VWA3B: variants seen among roughly 807,000 people sequenced by gnomAD.
VWA3B encodes the protein von Willebrand factor A domain containing 3B.
A neutral mutation model predicts 158.3 loss-of-function variants in VWA3B; 138 were observed. That is an observed-to-expected ratio of 0.87 (90% CI 0.76 to 1.00). VWA3B has a LOEUF of 1.00. Among genes scored for constraint, VWA3B ranks in the 50% least tolerant of loss-of-function variants. VWA3B has a pLI of 0.00. For synonymous variants in VWA3B, 596 were observed against 587.3 expected (o/e 1.01, Z -0.21); for missense variants, 1,555 against 1,565.1 (o/e 0.99, Z 0.11).
intron 20 of VWA3B, among the ~76,000 whole-genome samples, chr2:98,255,158 C>T (rs555546562): frequency 3.8e-4 from 57 of 148,592 alleles, no homozygotes; most frequent in Middle Eastern, 3.4e-3. Context: ...GGAGTACAGT[C>T]GCCCGCCACC....
At position 98,102,726 on chromosome 2, in the gene VWA3B, A is replaced by T. The variant is rs541952443; in HGVS notation, c.196+9438A>T. On this transcript the variant is annotated intron_variant, in intron 2 of 27. Transcript: ENST00000477737. ...ATTGTCAGGTTTCAGCATCAAGATT[A>T]TGCTGGACTCAAAATGATTTGGAAG... 5.0e-3 allele frequency among the ~76,000 whole-genome samples: 763 copies of T among 152,294 alleles called. 3 individuals carry two copies. Among genetic ancestry groups the T allele is most frequent in the South Asian group, 0.011 (54 of 4,820 alleles).
the VWA3B span, among the ~76,000 whole-genome samples, chr2:98,329,506 CT>C: frequency 2.7e-4 from 40 of 150,138 alleles, 2 homozygotes; most frequent in African/African-American, 9.0e-4. Context: ...GCAAACAACC[CT>C]TTTTTTTTAA....
intron 5 of VWA3B, among the ~76,000 whole-genome samples, chr2:98,127,866 G>A (rs114177828): frequency 0.021 from 3,142 of 152,262 alleles, 44 homozygotes; most frequent in Middle Eastern, 0.048. Flanking sequence ...GCACTGCCGC[G>A]GGCAATGGCA....
intron 12 of VWA3B, chr2:98,206,224 C>G (rs1683009017): frequency 6.5e-6 from 1 of 154,116 alleles, no homozygotes; most frequent in Non-Finnish European, 1.4e-5. Context: ...GTCAGTGTTG[C>G]TACTCCAAGC....
chr2:98,269,586 G>C (rs1454145129), intron 21 of VWA3B: 1 of 152,162 alleles, frequency 6.6e-6, no homozygotes, highest in African/African-American at 2.4e-5. Context: ...GCCAGGATTG[G>C]GGAGCTTTCT....
At position 98,193,664 on chromosome 2, in the gene VWA3B, C is replaced by T. The variant is rs139528407; in HGVS notation, c.1605+628C>T. On this transcript the variant is annotated intron_variant, in intron 11 of 27. Transcript: ENST00000477737. Reference sequence around the variant, plus strand: ...AGTCTGGAGTGCAGTGGTGCCAACCCGGCTCACTGCAAGCTCCGCCTCCCG... The same window carrying T: ...AGTCTGGAGTGCAGTGGTGCCAACCTGGCTCACTGCAAGCTCCGCCTCCCG... 2.8e-3 allele frequency among the ~76,000 whole-genome samples: 423 copies of T among 151,780 alleles called. 2 individuals carry two copies. Among genetic ancestry groups the T allele is most frequent in the African/African-American group, 9.3e-3 (386 of 41,370 alleles).
chr2:98,206,926 G>A, intron 12 of VWA3B: 3 of 452,018 alleles, frequency 6.6e-6, no homozygotes, highest in South Asian at 4.9e-5. Context: ...CTTAAAAAAT[G>A]TTACCTCCAA....
intron 23 of VWA3B, chr2:98,292,081 TAAA>T (rs772141517): frequency 0.06 from 5,134 of 86,020 alleles, 129 homozygotes; most frequent in Middle Eastern, 0.13. Context: ...TCATCTCTAC[TAAA>T]AAAAAAAAAA....
At chr2:98,239,475 T>C (rs1240811212) in intron 19 of VWA3B, among the ~76,000 whole-genome samples, 1 of 152,158 alleles carries the variant, frequency 6.6e-6, no homozygotes, top group Non-Finnish European at 1.5e-5. Flanking sequence ...CCTCCCTTTT[T>C]TCTTTTACCA....
chr2:98,093,763 G>C (rs913171927), intron 2 of VWA3B, among the ~76,000 whole-genome samples: 5 of 151,958 alleles, frequency 3.3e-5, no homozygotes, highest in African/African-American at 1.2e-4. Context: ...AATTGTAGTG[G>C]TATATCCTTT....
intron 1 of VWA3B, among the ~76,000 whole-genome samples, chr2:98,088,704 A>T (rs572215823): frequency 6.6e-6 from 1 of 152,164 alleles, no homozygotes; most frequent in Non-Finnish European, 1.5e-5. Context: ...AACTCTGAAT[A>T]ATAGTAAATA....
the VWA3B span, among the ~76,000 whole-genome samples, chr2:98,318,642 G>A: frequency 6.6e-6 from 1 of 152,108 alleles, no homozygotes; most frequent in African/African-American, 2.4e-5. Flanking sequence ...TAATACCTGG[G>A]TGATGAAATA....
intron 7 of VWA3B, among the ~76,000 whole-genome samples, chr2:98,151,673 A>C (rs1394654096): frequency 3.3e-5 from 5 of 152,320 alleles, no homozygotes; most frequent in African/African-American, 1.2e-4. Flanking sequence ...CCTGGATTCA[A>C]ATCTGAGTTT....
At chr2:98,137,377 G>C (rs1043232722) in intron 7 of VWA3B, among the ~76,000 whole-genome samples, 2 of 151,992 alleles carry the variant, frequency 1.3e-5, no homozygotes, top group East Asian at 3.8e-4. Flanking sequence ...TTTTTATTTG[G>C]ATTTCCCTAA....
At chr2:98,290,165 C>A (rs1689400956) in intron 22 of VWA3B, among the ~76,000 whole-genome samples, 1 of 152,064 alleles carries the variant, frequency 6.6e-6, no homozygotes, top group African/African-American at 2.4e-5. Context: ...ATTGGGGAGG[C>A]CACAGGAAAC....
intron 26 of VWA3B, among the ~76,000 whole-genome samples, chr2:98,304,602 A>G (rs764629034): frequency 1.4e-4 from 21 of 152,130 alleles, no homozygotes; most frequent in Non-Finnish European, 2.5e-4. Flanking sequence ...TTCTGGGCTT[A>G]TGGAAGTCTC....
Position 98,127,253 on chromosome 2 carries a change from G to A in VWA3B, c.703-986G>A, listed in dbSNP as rs551633006. 3.9e-5 allele frequency among the ~76,000 whole-genome samples: 6 copies of A among 152,224 alleles called. No individual in the cohort carries two copies. In the South Asian group the frequency reaches 6.2e-4, roughly 16 times the overall value. ...GGTTTTTTACTTTCTGAGATGTATA[G>A]AAATGCACACATAGTTGGAAGTCAT... On this transcript the variant is annotated intron_variant, in intron 5 of 27. Coordinates refer to ENST00000477737, the MANE Select transcript of VWA3B (RefSeq NM_144992.5).
intron 21 of VWA3B, among the ~76,000 whole-genome samples, chr2:98,260,660 T>G: frequency 6.6e-6 from 1 of 151,744 alleles, no homozygotes; most frequent in Non-Finnish European, 1.5e-5. Context: ...TAACTATACA[T>G]AACTGTCTAT....
chr2:98,140,577 G>A (rs1445190485), intron 7 of VWA3B, among the ~76,000 whole-genome samples: 1 of 152,170 alleles, frequency 6.6e-6, no homozygotes, highest in Non-Finnish European at 1.5e-5. Context: ...TTCTCTGTGT[G>A]AAGGTATTCC....
Sources: allele counts gnomAD v4.1 joint callset (sites outside exome capture counted in the v4.1 genomes callset), GRCh38; gene constraint gnomAD v4.1.1; transcripts MANE v1.5; gene names NCBI Gene and HGNC (gene_info 2026-07-23, HGNC 2026-07-21).